RAB3C: variants seen among roughly 807,000 people sequenced by gnomAD.
The protein encoded by RAB3C is ras-related protein Rab-3C.
RAB3C carries 17 observed loss-of-function variants against 26.4 expected under a neutral mutation model. The ratio of observed to expected loss-of-function variants is 0.64; its 90% CI spans 0.44 to 0.97. The LOEUF is 0.97. Among genes scored for constraint, RAB3C ranks in the 50% least tolerant of loss-of-function variants. RAB3C has a pLI of 0.00. For synonymous variants in RAB3C, 91 were observed against 95.9 expected, an observed-to-expected ratio of 0.95 and a Z score of 0.30; for missense variants, 242 against 281.9, an observed-to-expected ratio of 0.86 and a Z score of 1.01.
intron 1 of RAB3C, among the ~76,000 whole-genome samples, chr5:58,592,057 C>A (rs534662163): frequency 6.1e-4 from 93 of 152,024 alleles, no homozygotes; most frequent in African/African-American, 2.1e-3. Context: ...TGCAACCACA[C>A]CCAGCTAATT....
At chr5:58,819,395 T>C (rs1256259456) in intron 3 of RAB3C, among the ~76,000 whole-genome samples, 3 of 152,224 alleles carry the variant, frequency 2.0e-5, no homozygotes, top group Non-Finnish European at 2.9e-5. Context: ...CCTATTACAG[T>C]GTAGACAAAA....
At chr5:58,612,520 GTA>G (rs200928384) in intron 1 of RAB3C, among the ~76,000 whole-genome samples, 5,660 of 78,266 alleles carry the variant, frequency 0.072, 160 homozygotes, top group Non-Finnish European at 0.1. Flanking sequence ...GTGTGTGTGT[GTA>G]TATATATATA....
intron 4 of RAB3C, 112 bp from the exon 5 acceptor site, chr5:58,851,052 C>T (rs2112090965): frequency 3.0e-6 from 3 of 1,013,016 alleles, no homozygotes; most frequent in Non-Finnish European, 4.3e-6. Context: ...CCCAAACCTA[C>T]CACCCACTGA....
chr5:58,831,741 T>A (rs1743617127), intron 4 of RAB3C, among the ~76,000 whole-genome samples: 1 of 152,092 alleles, frequency 6.6e-6, no homozygotes, highest in South Asian at 2.1e-4. Context: ...CTCAGCACAT[T>A]GAGGGGACCT....
intron 1 of RAB3C, among the ~76,000 whole-genome samples, chr5:58,615,935 C>G (rs1452551926): frequency 6.6e-6 from 1 of 151,762 alleles, no homozygotes; most frequent in Non-Finnish European, 1.5e-5. Context: ...CACCATTTCC[C>G]TTTTTCCTTT....
At chr5:58,695,775 T>C (rs1459963237) in intron 2 of RAB3C, among the ~76,000 whole-genome samples, 2 of 152,210 alleles carry the variant, frequency 1.3e-5, no homozygotes, top group African/African-American at 2.4e-5. Context: ...ATTGATTTTG[T>C]ATCCTGAGAC....
chr5:58,657,927 G>GA, intron 2 of RAB3C, among the ~76,000 whole-genome samples: 1 of 152,242 alleles, frequency 6.6e-6, no homozygotes, highest in East Asian at 1.9e-4. Context: ...AAAGGCCCAT[G>GA]AAAAATTTAT....
At chr5:58,626,085 G>A (rs375209364) in intron 2 of RAB3C, among the ~76,000 whole-genome samples, 1 of 152,086 alleles carries the variant, frequency 6.6e-6, no homozygotes, top group South Asian at 2.1e-4. Flanking sequence ...ATCTGATGAT[G>A]TTTTCTGTAT....
intron 2 of RAB3C, among the ~76,000 whole-genome samples, chr5:58,630,043 G>A (rs169705): frequency 0.25 from 38,054 of 151,980 alleles, 5,001 homozygotes; most frequent in Admixed American, 0.31. Flanking sequence ...CTATTTGTAC[G>A]TTGAGTCTCA....
At chr5:58,626,429 T>G (rs1747053713) in intron 2 of RAB3C, among the ~76,000 whole-genome samples, 1 of 152,178 alleles carries the variant, frequency 6.6e-6, no homozygotes, top group Non-Finnish European at 1.5e-5. Context: ...CACATTGGTG[T>G]TACTTTTATA....
chr5:58,856,161 G>A lies in RAB3C; in HGVS notation c.*4810G>A, dbSNP rs916154000. 6 of 151,868 alleles carry A rather than the reference G, an allele frequency of 4.0e-5. No individual in the cohort carries two copies. The highest frequency in any genetic ancestry group is 1.5e-4 in the African/African-American group (6 of 41,306). 9.4% of individuals were successfully genotyped at this position (151,868 alleles called of 1,614,324 possible). A position where few individuals can be genotyped will look rare whatever the true frequency, so the allele number is the denominator to read the frequency against. Reference sequence around the variant, plus strand: ...CTAGGGAAAAGGGAGCTTTTACTATGTTCCAGCTATAACTCACATCTTACT... The same window carrying A: ...CTAGGGAAAAGGGAGCTTTTACTATATTCCAGCTATAACTCACATCTTACT... On this transcript the variant is annotated 3_prime_UTR_variant, in exon 5 of 5. Transcript: ENST00000282878.
rs142213621 is a variant in RAB3C at position 58,785,122 on chromosome 5, T to C, written c.372-39916T>C. Among the ~76,000 whole-genome samples, 115 of 152,328 alleles carry C rather than the reference T, an allele frequency of 7.5e-4. 1 individual carries two copies. Among genetic ancestry groups the C allele is most frequent in the African/African-American group, 2.6e-3 (107 of 41,586 alleles). ...AACATTCCTGACCAAACCCAGACAATTGGTCATTCTGAAAACCTAGGATTT... is the reference window on the plus strand; with the variant it reads ...AACATTCCTGACCAAACCCAGACAACTGGTCATTCTGAAAACCTAGGATTT... On this transcript the variant is annotated intron_variant, in intron 3 of 4. Coordinates refer to ENST00000282878, the MANE Select transcript of RAB3C (RefSeq NM_138453.4).
chr5:58,766,819 A>G (rs1177895993), intron 3 of RAB3C, among the ~76,000 whole-genome samples: 2 of 152,210 alleles, frequency 1.3e-5, no homozygotes, highest in African/African-American at 4.8e-5. Context: ...AGAGTAACAC[A>G]GGCTAGCATG....
At chr5:58,668,354 G>A (rs1198074147) in intron 2 of RAB3C, among the ~76,000 whole-genome samples, 2 of 152,114 alleles carry the variant, frequency 1.3e-5, no homozygotes, top group African/African-American at 2.4e-5. Context: ...AAATATGAGG[G>A]TGGGAGGTTA....
At chr5:58,818,204 G>A (rs549911161) in intron 3 of RAB3C, among the ~76,000 whole-genome samples, 4 of 152,292 alleles carry the variant, frequency 2.6e-5, no homozygotes, top group African/African-American at 9.6e-5. Flanking sequence ...ACTCATAGGC[G>A]ATTACTTACA....
chr5:58,698,876 C>T lies in RAB3C; in HGVS notation c.253-27126C>T, dbSNP rs185638931. Among the ~76,000 whole-genome samples, 815 of 152,256 alleles carry T rather than the reference C, an allele frequency of 5.4e-3. 4 individuals carry two copies. Among genetic ancestry groups the T allele is most frequent in the Non-Finnish European group, 6.6e-3 (447 of 68,020 alleles). On this transcript the variant is annotated intron_variant, in intron 2 of 4. Coordinates refer to ENST00000282878, the MANE Select transcript of RAB3C (RefSeq NM_138453.4). The stretch of plus-strand genomic sequence containing the variant: ...TCCTTGTGATGGGTTCGAGCATCCT[C>T]CTTTAGCTCGGAGAAGTTTGTTATT...
chr5:58,609,961 C>T (rs527568134), intron 1 of RAB3C, among the ~76,000 whole-genome samples: 1 of 152,126 alleles, frequency 6.6e-6, no homozygotes, highest in East Asian at 1.9e-4. Flanking sequence ...GTAGCAGATA[C>T]ATGGAGAAAT....
chr5:58,745,839 A>G (rs1026284765), intron 3 of RAB3C, among the ~76,000 whole-genome samples: 1 of 152,214 alleles, frequency 6.6e-6, no homozygotes, highest in African/African-American at 2.4e-5. Flanking sequence ...ATAGTTGAAT[A>G]TGAAATAAAT....
At chr5:58,845,741 T>G (rs976452373) in intron 4 of RAB3C, among the ~76,000 whole-genome samples, 4 of 151,296 alleles carry the variant, frequency 2.6e-5, no homozygotes, top group Non-Finnish European at 5.9e-5. Context: ...CCATTTGAAG[T>G]GTACAATTCA....
Sources: allele counts gnomAD v4.1 joint callset (sites outside exome capture counted in the v4.1 genomes callset), GRCh38; gene constraint gnomAD v4.1.1; transcripts MANE v1.5; gene names NCBI Gene and HGNC (gene_info 2026-07-23, HGNC 2026-07-21).